The following RUNX1 variants were observed in gnomAD, a reference collection of about 807,000 sequenced individuals.
RUNX1 encodes the protein RUNX family transcription factor 1.
A neutral mutation model predicts 42.8 loss-of-function variants in RUNX1; 19 were observed. The ratio of observed to expected loss-of-function variants is 0.44; its 90% CI spans 0.31 to 0.65. The LOEUF (loss-of-function observed/expected upper bound fraction) is 0.65. Ranked by LOEUF, RUNX1 falls within the 30% of genes least tolerant of loss-of-function variation. RUNX1 has a pLI of 0.07. For synonymous variants in RUNX1, 271 were observed against 289.4 expected (o/e 0.94, Z 0.64); for missense variants, 528 against 672.0 (o/e 0.79, Z 2.37).
chr21:35,046,048 C>T (rs1417606697), intron 2 of RUNX1, among the ~76,000 whole-genome samples: 1 of 152,206 alleles, frequency 6.6e-6, no homozygotes, highest in Non-Finnish European at 1.5e-5. Flanking sequence ...TCAACTCTTT[C>T]TGCCGACACA....
At chr21:34,794,243 A>T (rs1046567644) in intron 8 of RUNX1, among the ~76,000 whole-genome samples, 3 of 152,162 alleles carry the variant, frequency 2.0e-5, no homozygotes, top group Non-Finnish European at 4.4e-5. Flanking sequence ...AGGTTGAATG[A>T]TAGAAAATTG....
At chr21:35,048,737 A>T in intron 2 of RUNX1, 105 bp downstream of exon 2, 1 of 898,642 alleles carries the variant, frequency 1.1e-6, no homozygotes, top group Non-Finnish European at 1.9e-6. Context: ...AAGACAGGGA[A>T]CTGGCAGGCA....
At chr21:34,860,633 A>G (rs559952163) in intron 5 of RUNX1, among the ~76,000 whole-genome samples, 3 of 152,264 alleles carry the variant, frequency 2.0e-5, no homozygotes, top group South Asian at 4.1e-4. Flanking sequence ...CTGATGTTCA[A>G]TCTTCCTACA....
chr21:34,841,689 C>T (rs1011489633), intron 6 of RUNX1, among the ~76,000 whole-genome samples: 3 of 152,190 alleles, frequency 2.0e-5, no homozygotes, highest in Non-Finnish European at 4.4e-5. Flanking sequence ...CTTACTGTTT[C>T]CTCTGCTCAG....
chr21:34,803,793 G>A (rs943660911), intron 7 of RUNX1, among the ~76,000 whole-genome samples: 1 of 152,146 alleles, frequency 6.6e-6, no homozygotes, highest in Non-Finnish European at 1.5e-5. Context: ...GAGGTTAGTG[G>A]TGAGCTCAGA....
rs565408215 is a variant in RUNX1 at position 34,909,737 on chromosome 21, T to C, written c.59-16774A>G. On this transcript the variant is annotated intron_variant, in intron 2 of 8. Transcript: ENST00000675419. ...CCATCCTCCATGAGAGATGAGCTTG[T>C]TTCATTGTTGCAAAGTATAGCCAAG... Among the ~76,000 whole-genome samples the C allele has an allele frequency of 6.6e-5, 10 of 152,302 alleles. No homozygotes were observed. In the East Asian group the frequency reaches 1.9e-3, roughly 29 times the overall value.
intron 2 of RUNX1, among the ~76,000 whole-genome samples, chr21:35,023,770 G>A (rs142201974): frequency 2.1e-4 from 32 of 152,228 alleles, no homozygotes; most frequent in African/African-American, 7.0e-4. Flanking sequence ...CAGGAGTGAC[G>A]GCTCACAAGT....
intron 2 of RUNX1, among the ~76,000 whole-genome samples, chr21:34,926,527 G>T (rs2058396139): frequency 3.1e-5 from 1 of 32,772 alleles, no homozygotes; most frequent in Non-Finnish European, 7.8e-5. Flanking sequence ...TCAGCATTTT[G>T]ATCTACAACA....
chr21:34,936,555 A>G (rs982403086), intron 2 of RUNX1, among the ~76,000 whole-genome samples: 1 of 152,226 alleles, frequency 6.6e-6, no homozygotes, highest in Non-Finnish European at 1.5e-5. Flanking sequence ...CTAACTGTGT[A>G]AATGTACGAG....
chr21:35,031,157 TGA>T (rs2059270280), intron 2 of RUNX1, among the ~76,000 whole-genome samples: 1 of 152,186 alleles, frequency 6.6e-6, no homozygotes, highest in Non-Finnish European at 1.5e-5. Context: ...GAGACCAGCC[TGA>T]CCAACATGGA....
intron 7 of RUNX1, among the ~76,000 whole-genome samples, chr21:34,815,341 T>C (rs1001068413): frequency 1.3e-5 from 2 of 152,062 alleles, no homozygotes; most frequent in Non-Finnish European, 1.5e-5. Context: ...GTAATTCTGC[T>C]AGGAGAATGC....
chr21:34,857,367 T>C (rs2057509554), intron 6 of RUNX1, among the ~76,000 whole-genome samples: 1 of 152,230 alleles, frequency 6.6e-6, no homozygotes, highest in South Asian at 2.1e-4. Flanking sequence ...CCCCTCTGAC[T>C]GCCAATTCTT....
chr21:34,798,204 C>T (rs752121399), intron 8 of RUNX1: 9 of 449,440 alleles, frequency 2.0e-5, no homozygotes, highest in African/African-American at 1.4e-4. Flanking sequence ...AAGCAAGACC[C>T]GCCCCGTTCC....
intron 7 of RUNX1, among the ~76,000 whole-genome samples, chr21:34,820,083 G>T (rs1303425186): frequency 1.3e-5 from 2 of 152,202 alleles, no homozygotes; most frequent in East Asian, 1.9e-4. Flanking sequence ...GACAGGTCAG[G>T]GTTCACCCTT....
At chr21:35,028,651 G>C (rs1366799585) in intron 2 of RUNX1, among the ~76,000 whole-genome samples, 1 of 152,184 alleles carries the variant, frequency 6.6e-6, no homozygotes. Flanking sequence ...TCATGCTTAG[G>C]CTTTGCCTCC....
intron 2 of RUNX1, among the ~76,000 whole-genome samples, chr21:34,982,497 C>T (rs1382927105): frequency 8.2e-6 from 1 of 122,182 alleles, no homozygotes; most frequent in Non-Finnish European, 1.7e-5. Context: ...TCTTAGCATA[C>T]CTAGTTGTCA....
intron 7 of RUNX1, among the ~76,000 whole-genome samples, chr21:34,827,813 T>C (rs76703668): frequency 6.6e-6 from 1 of 152,204 alleles, no homozygotes; most frequent in East Asian, 1.9e-4. Context: ...GCATGCAGAA[T>C]ACATGCTGTG....
At chr21:34,810,774 T>G (rs1328009978) in intron 7 of RUNX1, among the ~76,000 whole-genome samples, 1 of 152,180 alleles carries the variant, frequency 6.6e-6, no homozygotes, top group Admixed American at 6.5e-5. Context: ...GGAAACAGTC[T>G]TCTCTCCCCT....
In RUNX1 at chr21:34,811,530, G is replaced by A. The variant is rs749366209; in HGVS notation, c.806-12068C>T. On this transcript the variant is annotated intron_variant, in intron 7 of 8. Transcript: ENST00000675419. ...CCTCTGACCTGGCCGCTGCACACAG[G>A]TCTTTCACTCTATGTGATTCCCTGG... 8.8e-4 allele frequency among the ~76,000 whole-genome samples: 134 copies of A among 152,302 alleles called. 1 individual carries two copies. Among genetic ancestry groups the A allele is most frequent in the Middle Eastern group, 3.4e-3 (1 of 294 alleles).
Sources: gnomAD v4.1 joint callset for allele counts (sites outside exome capture counted in the v4.1 genomes callset) on GRCh38, gnomAD v4.1.1 for gene constraint, MANE v1.5 for transcripts, NCBI Gene and HGNC (gene_info 2026-07-23, HGNC 2026-07-21) for gene names.